Variants in CFTR observed in about 807,000 individuals in gnomAD.
CFTR encodes cystic fibrosis transmembrane conductance regulator.
In CFTR, 181 loss-of-function variants were observed where a neutral mutation model predicts 171.6. The ratio of observed to expected loss-of-function variants is 1.05; its 90% CI spans 0.93 to 1.19. CFTR has a LOEUF of 1.19. Among genes scored for constraint, CFTR ranks in the 50% most tolerant of loss-of-function variants. CFTR has a pLI of 0.00. For synonymous variants in CFTR, 583 were observed against 608.0 expected, an observed-to-expected ratio of 0.96 and a Z score of 0.60; for missense variants, 1,968 against 1,734.7, an observed-to-expected ratio of 1.13 and a Z score of -2.39.
chr7:117,592,292 C>T lies in CFTR; in HGVS notation c.2125C>T (p.Arg709Ter), dbSNP rs121908760. Residue 709 changes from arginine (R) to a stop codon, truncating the protein, a stop_gained, in exon 14 of 27, where the codon CGA becomes TGA. Coordinates refer to ENST00000003084, the MANE Select transcript of CFTR (RefSeq NM_000492.4). LOFTEE classifies it high-confidence loss of function. ...TATTCTCAATCCAATCAACTCTATACGAAAATTTTCCATTGTGCAAAAGAC... is the reference window on the plus strand; with the variant it reads ...TATTCTCAATCCAATCAACTCTATATGAAAATTTTCCATTGTGCAAAAGAC... ...NSILNPINSIRKFSIVQKTPL... is the reference protein window; with the variant it reads ...NSILNPINSI 1.1e-5 allele frequency: 18 copies of T among 1,613,896 alleles called. No individual in the cohort carries two copies. The South Asian group carries it at 1.4e-4, about 13-fold the overall frequency.
chr7:117,514,661 T>C (rs1375826378), intron 3 of CFTR, among the ~76,000 whole-genome samples: 3 of 152,314 alleles, frequency 2.0e-5, no homozygotes, highest in African/African-American at 4.8e-5. Flanking sequence ...TATATTACTT[T>C]GGGTATATAC....
intron 3 of CFTR, among the ~76,000 whole-genome samples, chr7:117,528,612 C>T (rs1207535105): frequency 1.6e-5 from 1 of 61,846 alleles, no homozygotes; most frequent in Admixed American, 2.4e-4. Context: ...TCGCAACCTA[C>T]TCATCTGACA....
In CFTR at chr7:117,591,952, G is replaced by T. The variant is rs1405593377; in HGVS notation, c.1785G>T (p.Met595Ile). 5.7e-6 allele frequency: 9 copies of T among 1,586,564 alleles called. No individual in the cohort carries two copies. The highest frequency in any genetic ancestry group is 6.8e-6 in the Non-Finnish European group (8 of 1,168,012). ...EIFESCVCKL[M>I]ANKTRILVTS... Reference sequence around the variant, plus strand: ...CTTAAAGCTGTGTCTGTAAACTGATGGCTAACAAAACTAGGATTTTGGTCA... The same window carrying T: ...CTTAAAGCTGTGTCTGTAAACTGATTGCTAACAAAACTAGGATTTTGGTCA... Residue 595 changes from methionine to isoleucine, a missense_variant, in exon 14 of 27, where the codon ATG (methionine) becomes ATT (isoleucine). By Grantham distance (10) the Met-to-Ile change is conservative. Coordinates refer to ENST00000003084, the MANE Select transcript of CFTR (RefSeq NM_000492.4).
At position 117,667,550 on chromosome 7, in the gene CFTR, C is replaced by A. The variant is rs180783619; in HGVS notation, c.*442C>A. 1.1e-5 allele frequency: 3 copies of A among 282,298 alleles called. No individual in the cohort carries two copies. Among genetic ancestry groups the A allele is most frequent in the African/African-American group, 4.4e-5 (2 of 45,426 alleles). The allele number at this position is 282,298 out of a possible 1,614,324, so 17.5% of individuals were successfully genotyped here. ...AAGTAATGATAACTGGAAACTTCAGCGGTTTATATAAGCTTGTATTCCTTT... is the reference window on the plus strand; with the variant it reads ...AAGTAATGATAACTGGAAACTTCAGAGGTTTATATAAGCTTGTATTCCTTT... On this transcript the variant is annotated 3_prime_UTR_variant, in exon 27 of 27. Transcript: ENST00000003084.
chr7:117,594,976 G>A lies in CFTR; in HGVS notation c.2537G>A (p.Trp846Ter), dbSNP rs397508393. Reference sequence around the variant, plus strand: ...GAGAGCATACCAGCAGTGACTACATGGAACACATACCTTCGATATATTACT... The same window carrying A: ...GAGAGCATACCAGCAGTGACTACATAGAACACATACCTTCGATATATTACT... ...DMESIPAVTT[W>*]NTYLRYITVH... Residue 846 changes from tryptophan (W) to a stop codon, truncating the protein, a stop_gained, in exon 15 of 27, where the codon TGG (tryptophan) becomes TAG (stop). Coordinates refer to ENST00000003084, the MANE Select transcript of CFTR (RefSeq NM_000492.4). LOFTEE classifies it high-confidence loss of function. 6.8e-6 allele frequency: 11 copies of A among 1,612,642 alleles called. No homozygotes were observed. The highest frequency in any genetic ancestry group is 8.5e-6 in the Non-Finnish European group (10 of 1,179,196).
intron 21 of CFTR, among the ~76,000 whole-genome samples, chr7:117,621,305 TGTGA>T (rs909290242): frequency 4.6e-5 from 7 of 152,210 alleles, no homozygotes; most frequent in African/African-American, 1.7e-4. Context: ...TCTGATTTTC[TGTGA>T]GTCATAGCAG....
intron 9 of CFTR, among the ~76,000 whole-genome samples, chr7:117,545,973 C>A (rs1799139739): frequency 6.6e-6 from 1 of 150,498 alleles, no homozygotes; most frequent in Non-Finnish European, 1.5e-5. Context: ...CACACACCAC[C>A]ATGCCTAGCT....
At chr7:117,507,531 C>T (rs940396069) in intron 2 of CFTR, among the ~76,000 whole-genome samples, 1 of 152,188 alleles carries the variant, frequency 6.6e-6, no homozygotes, top group African/African-American at 2.4e-5. Context: ...ATCCATTTCT[C>T]CTTTGATGGA....
In CFTR at chr7:117,654,757, C is replaced by G. The variant is rs572528586; in HGVS notation, c.3963+1826C>G. ...TAAACCTCTTTTCTTTATAAATTAC[C>G]CAGTCTCTTTACAGCAATGTGAAAA... On this transcript the variant is annotated intron_variant, in intron 24 of 26. Coordinates refer to ENST00000003084, the MANE Select transcript of CFTR (RefSeq NM_000492.4). Among the ~76,000 whole-genome samples, 3 of 152,222 alleles carry G rather than the reference C, an allele frequency of 2.0e-5. No homozygotes were observed. In the East Asian group the frequency reaches 5.8e-4, roughly 29 times the overall value.
chr7:117,502,942 G>A (rs1212924407), intron 1 of CFTR, among the ~76,000 whole-genome samples: 1 of 152,108 alleles, frequency 6.6e-6, no homozygotes, highest in African/African-American at 2.4e-5. Flanking sequence ...TTTTAATGAA[G>A]GACAAGTTGT....
At chr7:117,536,246 G>A (rs1045229036) in intron 6 of CFTR, among the ~76,000 whole-genome samples, 4 of 152,114 alleles carry the variant, frequency 2.6e-5, no homozygotes, top group African/African-American at 7.2e-5. Flanking sequence ...TGTGACCTTA[G>A]TCAAGCCACT....
chr7:117,531,038 T>G lies in CFTR; in HGVS notation c.413T>G (p.Leu138Arg). 1 of 1,613,818 alleles carries G rather than the reference T, an allele frequency of 6.2e-7. No homozygotes were observed. The highest frequency in any genetic ancestry group is 8.5e-7 in the Non-Finnish European group (1 of 1,179,856). The change falls in exon 4 of 27, where the codon CTA becomes CGA. Residue 138 changes from leucine to arginine, a missense_variant. Transcript: ENST00000003084. ...CLLFIVRTLL[L>R]HPAIFGLHHI... is the part of the protein sequence containing the mutation. ...CTCTTTATTGTGAGGACACTGCTCCTACACCCAGCCATTTTTGGCCTTCAT... is the reference window on the plus strand; with the variant it reads ...CTCTTTATTGTGAGGACACTGCTCCGACACCCAGCCATTTTTGGCCTTCAT...
chr7:117,615,123 G>GTTGAA (rs1584824493), intron 21 of CFTR, among the ~76,000 whole-genome samples: 2 of 152,212 alleles, frequency 1.3e-5, no homozygotes, highest in East Asian at 1.9e-4. Context: ...CTTGGTGTCT[G>GTTGAA]GTAGATGTGA....
At chr7:117,626,751 C>T (rs573170118) in intron 21 of CFTR, among the ~76,000 whole-genome samples, 7 of 151,558 alleles carry the variant, frequency 4.6e-5, no homozygotes, top group African/African-American at 1.5e-4. Flanking sequence ...TCCAAATTCC[C>T]GTAAGTCATA....
At chr7:117,596,439 C>T (rs545883587) in intron 15 of CFTR, among the ~76,000 whole-genome samples, 4 of 152,354 alleles carry the variant, frequency 2.6e-5, no homozygotes, top group South Asian at 2.1e-4. Context: ...TGACGAGCAC[C>T]GCCCCCTGCT....
rs57319132 is a variant in CFTR, at chr7:117,661,983, GAAAAAAAA to G, written c.3964-2689_3964-2682del. On this transcript the variant is annotated intron_variant, in intron 24 of 26. Transcript: ENST00000003084. Reference sequence around the variant, plus strand: ...CCTTTTCTTGCTGGTTAATTTTACTGAAAAAAAAAAAAAAAAAAAAAAACCCTCAAATA... The same window carrying G: ...CCTTTTCTTGCTGGTTAATTTTACTGAAAAAAAAAAAAAAACCCTCAAATA... 1.4e-4 allele frequency among the ~76,000 whole-genome samples: 12 copies of G among 87,540 alleles called. No homozygotes were observed. In the East Asian group the frequency reaches 3.5e-3, roughly 25 times the overall value. 57.4% of individuals were successfully genotyped at this position (87,540 alleles called of 152,430 possible).
At chr7:117,541,077 T>A (rs1011927240) in intron 8 of CFTR, among the ~76,000 whole-genome samples, 9 of 152,204 alleles carry the variant, frequency 5.9e-5, no homozygotes, top group African/African-American at 2.2e-4. Context: ...CTCCTGTTCA[T>A]CATGCTCTCT....
chr7:117,497,764 G>A (rs1011804841), intron 1 of CFTR, among the ~76,000 whole-genome samples: 5 of 152,036 alleles, frequency 3.3e-5, no homozygotes, highest in African/African-American at 9.7e-5. Flanking sequence ...TTGATAGTGA[G>A]CATTATATGA....
At chr7:117,666,848 G>A (rs1348012029) in intron 26 of CFTR, 60 bp from the exon 27 acceptor site, 8 of 1,450,448 alleles carry the variant, frequency 5.5e-6, no homozygotes, top group South Asian at 2.3e-5. Flanking sequence ...GCCAGTTTCT[G>A]TCCCTGCTCT....
Sources: allele counts gnomAD v4.1 joint callset (sites outside exome capture counted in the v4.1 genomes callset), GRCh38; gene constraint gnomAD v4.1.1; transcripts MANE v1.5; gene names NCBI Gene and HGNC (gene_info 2026-07-23, HGNC 2026-07-21).